Variants in SLC4A7 observed in about 807,000 individuals in gnomAD.
SLC4A7 encodes the protein solute carrier family 4 member 7, also known as sodium bicarbonate cotransporter 3.
Under a neutral mutation model 137.6 loss-of-function variants are expected in SLC4A7, and 51 were observed. The observed-to-expected ratio is 0.37, with a 90% CI of 0.30 to 0.47. The LOEUF is 0.47. Among genes scored for constraint, SLC4A7 ranks in the 20% least tolerant of loss-of-function variants. SLC4A7 has a pLI of 1.00. For synonymous variants in SLC4A7, 542 were observed against 518.6 expected (o/e 1.05, Z -0.61); for missense variants, 1,247 against 1,525.4 (o/e 0.82, Z 3.04).
Position 27,420,836 on chromosome 3 carries a change from C to A in SLC4A7, c.1425-49G>T, listed in dbSNP as rs770773567. On this transcript the variant is annotated intron_variant, in intron 9 of 25. Transcript: ENST00000454389. ...TTTTAAAATAAACATCATACACCCA[C>A]AAAGCTAGGCAATCATAAAAAAGAA... is the stretch of plus-strand genomic sequence containing the variant. 1.1e-5 allele frequency: 13 copies of A among 1,189,042 alleles called. No individual in the cohort carries two copies. The East Asian group carries it at 2.6e-4, about 24-fold the overall frequency. 73.7% of individuals were successfully genotyped at this position (1,189,042 alleles called of 1,614,324 possible). A position where few individuals can be genotyped will look rare whatever the true frequency, so the allele number is the denominator to read the frequency against.
chr3:27,469,753 CA>C (rs909961230), intron 1 of SLC4A7, among the ~76,000 whole-genome samples: 17 of 149,878 alleles, frequency 1.1e-4, no homozygotes, highest in African/African-American at 3.7e-4. Flanking sequence ...AACTCTGTCT[CA>C]AAAAAAAATA....
intron 1 of SLC4A7, among the ~76,000 whole-genome samples, chr3:27,473,428 TAGAA>T (rs745891095): frequency 7.8e-4 from 118 of 151,886 alleles, no homozygotes; most frequent in Admixed American, 1.6e-3. Context: ...TTTTGTAAAA[TAGAA>T]AGGCAGCTTG....
intron 12 of SLC4A7, among the ~76,000 whole-genome samples, chr3:27,411,314 A>G (rs777730169): frequency 9.9e-5 from 15 of 152,156 alleles, no homozygotes; most frequent in Non-Finnish European, 2.1e-4. Context: ...CTCTAACTCA[A>G]TATGAAGAAT....
At chr3:27,479,933 T>C (rs891421652) in intron 1 of SLC4A7, among the ~76,000 whole-genome samples, 3 of 152,196 alleles carry the variant, frequency 2.0e-5, no homozygotes, top group African/African-American at 4.8e-5. Flanking sequence ...AAGATCATAT[T>C]TGTGGTAAGA....
rs563918543 is a variant in SLC4A7, at chr3:27,413,933, T to A, written c.1660-2185A>T. Among the ~76,000 whole-genome samples the A allele has an allele frequency of 1.1e-4, 16 of 152,306 alleles. No individual in the cohort carries two copies. The South Asian group carries it at 3.3e-3, about 32-fold the overall frequency. On this transcript the variant is annotated intron_variant, in intron 11 of 25. Transcript: ENST00000454389. ...AATAATACTATCTCTTACTTACAGA[T>A]TATTTGACTGAAAAACTATTACAAA... is the stretch of plus-strand genomic sequence containing the variant.
At chr3:27,398,832 G>GT (rs1312434025) in intron 16 of SLC4A7, among the ~76,000 whole-genome samples, 1 of 152,116 alleles carries the variant, frequency 6.6e-6, no homozygotes, top group Non-Finnish European at 1.5e-5. Context: ...ATTAAAATCA[G>GT]TAATAAAAAT....
At chr3:27,464,853 C>G (rs961276474) in intron 1 of SLC4A7, among the ~76,000 whole-genome samples, 7 of 152,274 alleles carry the variant, frequency 4.6e-5, no homozygotes, top group African/African-American at 1.7e-4. Context: ...AAGAGCCTGG[C>G]CCCTCCTGTT....
At chr3:27,460,671 G>C (rs1310723032) in intron 1 of SLC4A7, among the ~76,000 whole-genome samples, 1 of 152,146 alleles carries the variant, frequency 6.6e-6, no homozygotes, top group African/African-American at 2.4e-5. Flanking sequence ...TTTCATTTAA[G>C]AAGGCCTTGA....
At chr3:27,480,113 T>C (rs1260897560) in intron 1 of SLC4A7, among the ~76,000 whole-genome samples, 3 of 152,232 alleles carry the variant, frequency 2.0e-5, no homozygotes, top group South Asian at 2.1e-4. Flanking sequence ...TTCTAACCTA[T>C]TCAAATAACA....
intron 22 of SLC4A7, among the ~76,000 whole-genome samples, chr3:27,387,427 T>A (rs2051083121): frequency 6.6e-6 from 1 of 152,170 alleles, no homozygotes; most frequent in South Asian, 2.1e-4. Context: ...CATTTATTTT[T>A]TATTTATCCA....
chr3:27,429,767 T>C (rs1264915020), intron 7 of SLC4A7, among the ~76,000 whole-genome samples: 2 of 152,148 alleles, frequency 1.3e-5, no homozygotes, highest in South Asian at 2.1e-4. Context: ...GGAGAATCAC[T>C]TGAACCCAGG....
At chr3:27,454,453 G>A (rs1035893743) in intron 1 of SLC4A7, among the ~76,000 whole-genome samples, 3 of 152,184 alleles carry the variant, frequency 2.0e-5, no homozygotes, top group African/African-American at 2.4e-5. Context: ...GAGACAAAGC[G>A]AGACTCCGTC....
chr3:27,476,858 C>G (rs2059481904), intron 1 of SLC4A7, among the ~76,000 whole-genome samples: 2 of 152,140 alleles, frequency 1.3e-5, no homozygotes, highest in East Asian at 1.9e-4. Flanking sequence ...ACTGTCATAA[C>G]AGACTAATAC....
chr3:27,475,244 G>A (rs190518862), intron 1 of SLC4A7, among the ~76,000 whole-genome samples: 67 of 151,634 alleles, frequency 4.4e-4, no homozygotes, highest in African/African-American at 1.6e-3. Flanking sequence ...TATTATGTAG[G>A]ATACTCCATA....
At chr3:27,418,016 C>T (rs1275633227) in intron 11 of SLC4A7, among the ~76,000 whole-genome samples, 1 of 152,022 alleles carries the variant, frequency 6.6e-6, no homozygotes, top group Non-Finnish European at 1.5e-5. Flanking sequence ...GATACATCTG[C>T]AAAAGACTAA....
intron 1 of SLC4A7, among the ~76,000 whole-genome samples, chr3:27,482,970 A>G (rs1248456718): frequency 1.3e-5 from 2 of 152,236 alleles, no homozygotes; most frequent in African/African-American, 4.8e-5. Context: ...CTATAATCCT[A>G]AAAGTTAAAA....
intron 7 of SLC4A7, among the ~76,000 whole-genome samples, chr3:27,428,862 A>G (rs1042362740): frequency 5.3e-5 from 8 of 152,360 alleles, no homozygotes; most frequent in African/African-American, 1.9e-4. Context: ...AAATAATTAA[A>G]AAGAAAAGTT....
chr3:27,402,662 G>A (rs557881927), intron 15 of SLC4A7, among the ~76,000 whole-genome samples: 1 of 150,978 alleles, frequency 6.6e-6, no homozygotes, highest in South Asian at 2.1e-4. Context: ...TTGTGGCACT[G>A]CACTCCAGCC....
chr3:27,447,913 G>A (rs2057782466), intron 3 of SLC4A7, among the ~76,000 whole-genome samples: 1 of 151,748 alleles, frequency 6.6e-6, no homozygotes, highest in African/African-American at 2.4e-5. Context: ...AAACTGTGGT[G>A]TAAGAAGGAA....
Sources: gnomAD v4.1 joint callset for allele counts (sites outside exome capture counted in the v4.1 genomes callset) on GRCh38, gnomAD v4.1.1 for gene constraint, MANE v1.5 for transcripts, NCBI Gene and HGNC (gene_info 2026-07-23, HGNC 2026-07-21) for gene names.